The following JMJD1C variants were observed in gnomAD, a reference collection of about 807,000 sequenced individuals.
JMJD1C encodes jumonji domain containing 1C.
A neutral mutation model predicts 245.3 loss-of-function variants in JMJD1C; 31 were observed. The ratio of observed to expected loss-of-function variants is 0.13; its 90% confidence interval spans 0.09 to 0.17. The LOEUF (loss-of-function observed/expected upper bound fraction) is 0.17. Ranked by LOEUF, JMJD1C falls within the 10% of genes least tolerant of loss-of-function variation. The pLI is 1.00. For missense variants in JMJD1C, 2,691 were observed against 3,000.2 expected (o/e 0.90, Z 2.41); for synonymous variants, 1,057 against 1,017.4 (o/e 1.04, Z -0.74).
In JMJD1C at chr10:63,335,391, T is replaced by G. The variant is rs560956526; in HGVS notation, c.333+44927A>C. 2.6e-5 allele frequency among the ~76,000 whole-genome samples: 4 copies of G among 152,236 alleles called. No homozygotes were observed. The East Asian group carries it at 7.7e-4, about 29-fold the overall frequency. On this transcript the variant is annotated intron_variant, in intron 2 of 25. Coordinates refer to ENST00000399262, the MANE Select transcript of JMJD1C (RefSeq NM_032776.3). ...TGAGAATATAAAGAAGTGCTTAATATTCCAGTTAAAAAGCTAAATATTCCA... is the reference window on the plus strand; with the variant it reads ...TGAGAATATAAAGAAGTGCTTAATAGTCCAGTTAAAAAGCTAAATATTCCA...
chr10:63,312,945 T>C (rs1939423590), intron 2 of JMJD1C, among the ~76,000 whole-genome samples: 1 of 152,234 alleles, frequency 6.6e-6, no homozygotes, highest in South Asian at 2.1e-4. Context: ...AATTACTTTC[T>C]TAAAACTTTT....
intron 1 of JMJD1C, among the ~76,000 whole-genome samples, chr10:63,429,226 ACCTCAG>A: frequency 6.6e-6 from 1 of 152,094 alleles, no homozygotes; most frequent in East Asian, 1.9e-4. Flanking sequence ...TGATCCACCC[ACCTCAG>A]CCTCCCAAAG....
At chr10:63,314,731 T>G (rs577957228) in intron 2 of JMJD1C, among the ~76,000 whole-genome samples, 2 of 151,182 alleles carry the variant, frequency 1.3e-5, no homozygotes, top group Admixed American at 6.6e-5. Context: ...CACTGCCACC[T>G]CCACCACCTG....
intron 2 of JMJD1C, among the ~76,000 whole-genome samples, chr10:63,276,222 T>C (rs917295077): frequency 6.6e-6 from 1 of 151,978 alleles, no homozygotes; most frequent in Non-Finnish European, 1.5e-5. Context: ...ATCCCAGCAC[T>C]TTGGGAGGCC....
intron 2 of JMJD1C, among the ~76,000 whole-genome samples, chr10:63,341,522 G>C (rs986347749): frequency 3.9e-5 from 6 of 152,160 alleles, no homozygotes; most frequent in Non-Finnish European, 7.3e-5. Context: ...CCCTGTTTTC[G>C]AGGAGTGAAT....
chr10:63,378,360 G>A (rs745837306), intron 2 of JMJD1C, among the ~76,000 whole-genome samples: 1 of 152,128 alleles, frequency 6.6e-6, no homozygotes, highest in Non-Finnish European at 1.5e-5. Context: ...GGAGGGCCGA[G>A]GCGGGTGGAT....
At chr10:63,420,872 A>T (rs904625282) in intron 1 of JMJD1C, among the ~76,000 whole-genome samples, 1 of 116,470 alleles carries the variant, frequency 8.6e-6, no homozygotes, top group Non-Finnish European at 1.6e-5. Context: ...CAAAACAAAC[A>T]AAATCAACAA....
Position 63,465,672 on chromosome 10 carries a change from T to C in JMJD1C, c.-10A>G. 1 of 1,607,322 alleles carries C rather than the reference T, an allele frequency of 6.2e-7. No individual in the cohort carries two copies. The highest frequency in any genetic ancestry group is 8.5e-7 in the Non-Finnish European group (1 of 1,179,832). On this transcript the variant is annotated 5_prime_UTR_variant, in exon 1 of 26. Transcript: ENST00000399262. ...GCGTCTCTACCGCCATAGCTGTCGCTGCCGAAGCGGCCGCTGCCTCCTCCA... is the reference window on the plus strand; with the variant it reads ...GCGTCTCTACCGCCATAGCTGTCGCCGCCGAAGCGGCCGCTGCCTCCTCCA...
chr10:63,465,476 G>C lies in JMJD1C; in HGVS notation c.168+19C>G. The C allele has an allele frequency of 6.3e-7, 1 of 1,584,346 alleles. No homozygotes were observed. Among genetic ancestry groups the C allele is most frequent in the Admixed American group, 1.7e-5 (1 of 58,308 alleles). The stretch of plus-strand genomic sequence containing the variant: ...GGTGCGGGCGCGGCAGGGGAAAAGG[G>C]GGGCGCTGACTCTCTTACCGCCAGG... On this transcript the variant is annotated intron_variant, in intron 1 of 25. Coordinates refer to ENST00000399262, the MANE Select transcript of JMJD1C (RefSeq NM_032776.3).
upstream of JMJD1C, chr10:63,466,029 CG>C (rs1953249190): frequency 4.4e-6 from 1 of 224,934 alleles, no homozygotes; most frequent in South Asian, 6.9e-5. Flanking sequence ...CTCCTTCCGC[CG>C]GCGCGGGCGG....
Position 63,465,577 on chromosome 10 carries a change from T to C in JMJD1C, c.86A>G (p.Glu29Gly). ...VGDEARSERW[E>G]SGRGWRSWRA... is the part of the protein sequence containing the mutation. ...CCAGCTTCGCCAGCCGCGTCCGCTC[T>C]CCCAGCGCTCCGAACGTGCCTCGTC... Residue 29 changes from glutamate to glycine, a missense_variant, in exon 1 of 26, where the codon GAG becomes GGG. By Grantham distance (98) the Glu-to-Gly change is moderately conservative. Coordinates refer to ENST00000399262, the MANE Select transcript of JMJD1C (RefSeq NM_032776.3). The C allele has an allele frequency of 6.2e-7, 1 of 1,608,946 alleles. No homozygotes were observed. Among genetic ancestry groups the C allele is most frequent in the Non-Finnish European group, 8.5e-7 (1 of 1,179,794 alleles).
In JMJD1C at chr10:63,445,264, A is replaced by G. The variant is rs140913864; in HGVS notation, c.168+20231T>C. On this transcript the variant is annotated intron_variant, in intron 1 of 25. Transcript: ENST00000399262. The stretch of plus-strand genomic sequence containing the variant: ...AAAAGAAATAAGAGACAAAGCAAGT[A>G]GAGTGATATTTGGTGATAGATGATA... Among the ~76,000 whole-genome samples the G allele has an allele frequency of 1.9e-4, 29 of 152,306 alleles. No homozygotes were observed. In the East Asian group the frequency reaches 5.4e-3, roughly 28 times the overall value.
chr10:63,475,003 T>C (rs548829501), intron 1 of JMJD1C, among the ~76,000 whole-genome samples: 1 of 152,194 alleles, frequency 6.6e-6, no homozygotes, highest in African/African-American at 2.4e-5. Context: ...TGAAGTGGCA[T>C]GAAGGTGCTG....
intron 1 of JMJD1C, among the ~76,000 whole-genome samples, chr10:63,445,716 A>C (rs545754951): frequency 6.6e-6 from 1 of 152,294 alleles, no homozygotes; most frequent in South Asian, 2.1e-4. Context: ...GTTAGGAGGC[A>C]GTTAGATATC....
chr10:63,262,265 C>T (rs1481893098), intron 3 of JMJD1C, among the ~76,000 whole-genome samples: 1 of 152,040 alleles, frequency 6.6e-6, no homozygotes, highest in Non-Finnish European at 1.5e-5. Context: ...TGGTATAGAG[C>T]CATTGTAATT....
intron 3 of JMJD1C, among the ~76,000 whole-genome samples, chr10:63,258,612 G>A (rs1417870404): frequency 6.6e-6 from 1 of 151,718 alleles, no homozygotes; most frequent in South Asian, 2.1e-4. Context: ...CATTACCACC[G>A]CCACCACCAA....
intron 1 of JMJD1C, among the ~76,000 whole-genome samples, chr10:63,509,540 A>G (rs559220634): frequency 6.6e-6 from 1 of 152,212 alleles, no homozygotes; most frequent in Non-Finnish European, 1.5e-5. Context: ...TGGACCTGGT[A>G]CTTTCTGTTT....
intron 2 of JMJD1C, among the ~76,000 whole-genome samples, chr10:63,337,557 A>AG (rs1942893014): frequency 4.6e-5 from 1 of 21,552 alleles, no homozygotes; most frequent in Non-Finnish European, 7.7e-5. Context: ...GGACAAGAAA[A>AG]GAAAAGAAAA....
chr10:63,329,401 G>A (rs919203811), intron 2 of JMJD1C, among the ~76,000 whole-genome samples: 2 of 150,884 alleles, frequency 1.3e-5, no homozygotes, highest in African/African-American at 4.9e-5. Context: ...TCATTTGTGT[G>A]ATAGGATAAG....
Sources: gnomAD v4.1 joint callset for allele counts (sites outside exome capture counted in the v4.1 genomes callset) on GRCh38, gnomAD v4.1.1 for gene constraint, MANE v1.5 for transcripts, NCBI Gene and HGNC (gene_info 2026-07-23, HGNC 2026-07-21) for gene names.